Variants in PPFIA2 observed in about 807,000 individuals in gnomAD.
PPFIA2 encodes PPFI scaffold protein A2.
PPFIA2 carries 46 observed loss-of-function variants against 175.5 expected under a neutral mutation model. The observed-to-expected ratio is 0.26, with a 90% CI of 0.21 to 0.34. The LOEUF is 0.34. PPFIA2 is among the 10% of genes least tolerant of loss of function. The probability of loss-of-function intolerance (pLI) is 1.00; values close to 1 mark genes in which losing one functional copy is unlikely to be tolerated. For synonymous variants in PPFIA2, 568 were observed against 511.4 expected (o/e 1.11, Z -1.49); for missense variants, 1,179 against 1,506.1 (o/e 0.78, Z 3.60).
At position 81,339,189 on chromosome 12, in the gene PPFIA2, C is replaced by T; in HGVS notation, c.2539G>A (p.Gly847Arg). ...LFGKKEKARL[G>R]QLRGFMETEA... The stretch of plus-strand genomic sequence containing the variant: ...ACACATGCATACTTACGGAGCTGCC[C>T]AAGTCGAGCTTTTTCTTTTTTACCA... The change falls in exon 21 of 33, where the codon GGG (glycine) becomes AGG (arginine). Residue 847 changes from glycine to arginine, a missense_variant. Gly to Arg is a moderately radical substitution (Grantham distance 125). Coordinates refer to ENST00000549396, the MANE Select transcript of PPFIA2 (RefSeq NM_003625.5). 4 of 1,596,636 alleles carry T rather than the reference C, an allele frequency of 2.5e-6. No homozygotes were observed. The highest frequency in any genetic ancestry group is 3.4e-6 in the Non-Finnish European group (4 of 1,171,866).
chr12:81,476,262 G>C (rs2146488858), intron 4 of PPFIA2, among the ~76,000 whole-genome samples: 1 of 152,266 alleles, frequency 6.6e-6, no homozygotes, highest in African/African-American at 2.4e-5. Context: ...GAGTTTAAAA[G>C]CATTTGTGTT....
intron 4 of PPFIA2, among the ~76,000 whole-genome samples, chr12:81,539,727 A>G (rs946238702): frequency 6.6e-6 from 1 of 151,946 alleles, no homozygotes; most frequent in African/African-American, 2.4e-5. Context: ...AACCTCTTTG[A>G]GGAATAACTC....
At chr12:81,651,781 C>CT (rs1464543875) in intron 4 of PPFIA2, among the ~76,000 whole-genome samples, 2 of 152,072 alleles carry the variant, frequency 1.3e-5, no homozygotes, top group Non-Finnish European at 2.9e-5. Flanking sequence ...GAATTAAACT[C>CT]TTGGGTCATT....
At chr12:81,368,382 C>A (rs2034143373) in intron 13 of PPFIA2, among the ~76,000 whole-genome samples, 2 of 151,590 alleles carry the variant, frequency 1.3e-5, no homozygotes, top group Admixed American at 1.3e-4. Context: ...ACCTTCCCCC[C>A]AAAAAAGTAT....
intron 25 of PPFIA2, among the ~76,000 whole-genome samples, chr12:81,283,920 CAT>C (rs776750805): frequency 1.5e-3 from 221 of 152,170 alleles, no homozygotes; most frequent in Non-Finnish European, 1.3e-3. Context: ...GGTTTAGAAA[CAT>C]GTTACCTGTG....
At position 81,325,878 on chromosome 12, in the gene PPFIA2, G is replaced by C. The variant is rs777047238; in HGVS notation, c.2549-8C>G. 1 of 1,591,356 alleles carries C rather than the reference G, an allele frequency of 6.3e-7. No homozygotes were observed. Among genetic ancestry groups the C allele is most frequent in the Admixed American group, 1.7e-5 (1 of 59,772 alleles). Reference sequence around the variant, plus strand: ...CAGTCTCCATAAAGCCTCCTGTGAAGAGAAGTAACTAAGTATTCAGATTAT... The same window carrying C: ...CAGTCTCCATAAAGCCTCCTGTGAACAGAAGTAACTAAGTATTCAGATTAT... On this transcript the variant is annotated splice_region_variant and splice_polypyrimidine_tract_variant and intron_variant, in intron 21 of 32. Coordinates refer to ENST00000549396, the MANE Select transcript of PPFIA2 (RefSeq NM_003625.5).
At chr12:81,655,515 A>C (rs956073222) in intron 4 of PPFIA2, among the ~76,000 whole-genome samples, 2 of 152,070 alleles carry the variant, frequency 1.3e-5, no homozygotes, top group East Asian at 1.9e-4. Context: ...GAATCAAAAA[A>C]ATTCTTATTT....
chr12:81,361,233 GC>G (rs1251465892), intron 15 of PPFIA2, among the ~76,000 whole-genome samples: 2 of 151,444 alleles, frequency 1.3e-5, no homozygotes, highest in Non-Finnish European at 3.0e-5. Flanking sequence ...CAAGGAAATG[GC>G]CATTTATTCT....
intron 7 of PPFIA2, chr12:81,430,002 G>A (rs1003295607): frequency 6.6e-6 from 1 of 152,074 alleles, no homozygotes; most frequent in Non-Finnish European, 1.5e-5. Context: ...TTCCTTAGCA[G>A]ATAACCCATC....
At chr12:81,621,114 T>C (rs987183900) in intron 4 of PPFIA2, among the ~76,000 whole-genome samples, 2 of 151,990 alleles carry the variant, frequency 1.3e-5, no homozygotes. Flanking sequence ...GTTGAAAAAA[T>C]ATCTTATAGG....
rs905809724 is a variant in PPFIA2, at chr12:81,339,261, T to C, written c.2467A>G (p.Lys823Glu). ...SANSSQDSLHKAPKKKGIKSS... is the reference protein window; with the variant it reads ...SANSSQDSLHEAPKKKGIKSS... Reference sequence around the variant, plus strand: ...TTGATTCCTTTCTTCTTGGGGGCTTTGTGAAGAGAGTCTTGGCTGCTGTTG... The same window carrying C: ...TTGATTCCTTTCTTCTTGGGGGCTTCGTGAAGAGAGTCTTGGCTGCTGTTG... The change falls in exon 21 of 33, where the codon AAA becomes GAA. Residue 823 changes from lysine to glutamate, a missense_variant. By Grantham distance (56) the Lys-to-Glu change is moderately conservative (BLOSUM62 1). Transcript: ENST00000549396. 7.4e-6 allele frequency: 12 copies of C among 1,611,048 alleles called. No homozygotes were observed. The highest frequency in any genetic ancestry group is 1.3e-5 in the African/African-American group (1 of 74,740).
rs900597905 is a variant in PPFIA2 at position 81,530,731 on chromosome 12, A to G, written c.304-72865T>C. On this transcript the variant is annotated intron_variant, in intron 4 of 32. Transcript: ENST00000549396. Reference sequence around the variant, plus strand: ...AGTAAGCCTGGATAAGCCCAGAGAAAATTGAGGAGGATAAAAAAGAGAAAA... The same window carrying G: ...AGTAAGCCTGGATAAGCCCAGAGAAGATTGAGGAGGATAAAAAAGAGAAAA... Among the ~76,000 whole-genome samples the G allele has an allele frequency of 7.7e-4, 116 of 150,428 alleles. 1 individual carries two copies. The highest frequency in any genetic ancestry group is 2.8e-3 in the African/African-American group (115 of 40,786).
intron 4 of PPFIA2, among the ~76,000 whole-genome samples, chr12:81,658,267 T>TC (rs1335249497): frequency 1.4e-4 from 10 of 71,520 alleles, no homozygotes; most frequent in South Asian, 8.1e-4. Flanking sequence ...AAACTCCATC[T>TC]CAAAAAAAAA....
chr12:81,427,108 T>C (rs1054690563), intron 7 of PPFIA2, among the ~76,000 whole-genome samples: 5 of 152,130 alleles, frequency 3.3e-5, no homozygotes, highest in African/African-American at 1.2e-4. Context: ...TTATAAATTT[T>C]GAGATAATTC....
intron 3 of PPFIA2, among the ~76,000 whole-genome samples, chr12:81,711,575 C>A (rs2077927133): frequency 1.3e-5 from 2 of 151,420 alleles, no homozygotes; most frequent in South Asian, 4.2e-4. Context: ...CACCTGTATA[C>A]CTGGTGGTGG....
At chr12:81,505,967 T>C (rs1176288156) in intron 4 of PPFIA2, 1 of 152,228 alleles carries the variant, frequency 6.6e-6, no homozygotes, top group Non-Finnish European at 1.5e-5. Flanking sequence ...TGGTAAGGAA[T>C]GAGACCAAAA....
chr12:81,538,153 C>A (rs1352016595), intron 4 of PPFIA2, among the ~76,000 whole-genome samples: 1 of 151,676 alleles, frequency 6.6e-6, no homozygotes, highest in Non-Finnish European at 1.5e-5. Flanking sequence ...TCCTCCCTTG[C>A]AAAATAAGCA....
At chr12:81,732,944 T>C (rs1457881150) in intron 3 of PPFIA2, among the ~76,000 whole-genome samples, 2 of 151,456 alleles carry the variant, frequency 1.3e-5, no homozygotes, top group African/African-American at 4.8e-5. Flanking sequence ...TAATTCAAAG[T>C]AGAAAATCAC....
intron 4 of PPFIA2, among the ~76,000 whole-genome samples, chr12:81,562,408 C>T (rs931334828): frequency 2.0e-5 from 3 of 151,950 alleles, no homozygotes; most frequent in African/African-American, 7.3e-5. Context: ...ATATTTACTG[C>T]CAAGTGTTTA....
Sources: gnomAD v4.1 joint callset for allele counts (sites outside exome capture counted in the v4.1 genomes callset) on GRCh38, gnomAD v4.1.1 for gene constraint, MANE v1.5 for transcripts, NCBI Gene and HGNC (gene_info 2026-07-23, HGNC 2026-07-21) for gene names.